Variants in DIP2C observed in about 807,000 individuals in gnomAD.
DIP2C encodes DIP2 acetate--CoA ligase C (putative).
In DIP2C, 33 loss-of-function variants were observed where a neutral mutation model predicts 192.4. The ratio of observed to expected loss-of-function variants is 0.17; its 90% confidence interval spans 0.13 to 0.23. DIP2C has a LOEUF of 0.23. DIP2C is among the 10% of genes least tolerant of loss of function. The pLI, the probability that DIP2C is intolerant of heterozygous loss-of-function variation, is 1.00. For synonymous variants in DIP2C, 979 were observed against 864.1 expected (o/e 1.13, Z -2.33); for missense variants, 1,537 against 2,110.1 (o/e 0.73, Z 5.32).
Position 614,585 on chromosome 10 carries a change from C to G in DIP2C, c.85+74909G>C, listed in dbSNP as rs2298101. Among the ~76,000 whole-genome samples, 31 of 152,360 alleles carry G rather than the reference C, an allele frequency of 2.0e-4. 1 individual carries two copies. In the East Asian group the frequency reaches 5.6e-3, roughly 28 times the overall value. Reference sequence around the variant, plus strand: ...CCTGCTGAACTGGAAACGTCCCAATCTGCTCGGCCGACACAAAGACAACAG... The same window carrying G: ...CCTGCTGAACTGGAAACGTCCCAATGTGCTCGGCCGACACAAAGACAACAG... On this transcript the variant is annotated intron_variant, in intron 1 of 36. Coordinates refer to ENST00000280886, the MANE Select transcript of DIP2C (RefSeq NM_014974.3).
intron 1 of DIP2C, among the ~76,000 whole-genome samples, chr10:571,885 A>C (rs1160899207): frequency 1.3e-5 from 2 of 152,232 alleles, no homozygotes; most frequent in Non-Finnish European, 2.9e-5. Context: ...CCGTGCTCAT[A>C]ATGTAAGCAG....
At chr10:417,691 CG>C (rs1299594709) in intron 6 of DIP2C, among the ~76,000 whole-genome samples, 1 of 29,456 alleles carries the variant, frequency 3.4e-5, no homozygotes, top group African/African-American at 9.8e-5. Context: ...CCTCCCTGTC[CG>C]CCTGTGCCTG....
chr10:299,135 A>C (rs1217866018), intron 32 of DIP2C, among the ~76,000 whole-genome samples: 1 of 152,206 alleles, frequency 6.6e-6, no homozygotes, highest in Non-Finnish European at 1.5e-5. Flanking sequence ...TGCCCACCCC[A>C]TCTTACACAA....
chr10:640,358 C>T (rs1588656234), intron 1 of DIP2C, among the ~76,000 whole-genome samples: 2 of 152,228 alleles, frequency 1.3e-5, no homozygotes, highest in African/African-American at 4.8e-5. Flanking sequence ...AGGAAATCAC[C>T]GCAGCCTTAC....
At chr10:367,283 G>A (rs1012509686) in intron 18 of DIP2C, among the ~76,000 whole-genome samples, 26 of 152,142 alleles carry the variant, frequency 1.7e-4, no homozygotes, top group South Asian at 2.1e-4. Context: ...CGGGCGCAGT[G>A]GCGGGCGCCT....
intron 3 of DIP2C, among the ~76,000 whole-genome samples, chr10:459,835 T>A (rs1969617312): frequency 6.8e-6 from 1 of 147,600 alleles, no homozygotes. Flanking sequence ...AACTGCGTGC[T>A]GCACGTAGGC....
chr10:457,426 CCCTAA>C (rs1969391869), intron 3 of DIP2C, among the ~76,000 whole-genome samples: 1 of 152,216 alleles, frequency 6.6e-6, no homozygotes, highest in African/African-American at 2.4e-5. Flanking sequence ...TACAACAGCC[CCCTAA>C]CCTGTTTCTG....
At chr10:540,137 C>A (rs1298771700) in intron 1 of DIP2C, among the ~76,000 whole-genome samples, 1 of 152,230 alleles carries the variant, frequency 6.6e-6, no homozygotes, top group Non-Finnish European at 1.5e-5. Context: ...AGCATATTTC[C>A]TATTTATGAG....
intron 2 of DIP2C, among the ~76,000 whole-genome samples, chr10:477,773 AAAG>A (rs534584956): frequency 2.4e-3 from 338 of 142,166 alleles, no homozygotes; most frequent in African/African-American, 5.8e-3. Context: ...AGAAAAAGGA[AAAG>A]AAGGAGAGAG....
intron 32 of DIP2C, among the ~76,000 whole-genome samples, chr10:288,993 C>T (rs1418929211): frequency 6.6e-6 from 1 of 152,230 alleles, no homozygotes. Flanking sequence ...CGCAGCAGGC[C>T]ACAACCAGAG....
chr10:564,337 C>CACCCT (rs1426166556), intron 1 of DIP2C, among the ~76,000 whole-genome samples: 1 of 152,112 alleles, frequency 6.6e-6, no homozygotes, highest in Non-Finnish European at 1.5e-5. Context: ...AACCACAGAT[C>CACCCT]ACCCTCCCCA....
At chr10:319,468 GT>G (rs1956914038) in intron 31 of DIP2C, among the ~76,000 whole-genome samples, 1 of 152,116 alleles carries the variant, frequency 6.6e-6, no homozygotes, top group Non-Finnish European at 1.5e-5. Context: ...AAGACCTCAT[GT>G]TTTTCTTCCC....
chr10:510,665 A>C (rs1327205670), intron 1 of DIP2C, among the ~76,000 whole-genome samples: 1 of 152,246 alleles, frequency 6.6e-6, no homozygotes, highest in Non-Finnish European at 1.5e-5. Context: ...GCACAGACGG[A>C]AATCTAGAAG....
rs942403328 is a variant in DIP2C, at chr10:651,425, T to A, written c.85+38069A>T. The A allele has an allele frequency of 1.4e-6, 1 of 692,962 alleles. No individual in the cohort carries two copies. The highest frequency in any genetic ancestry group is 1.8e-5 in the African/African-American group (1 of 57,054). 42.9% of individuals were successfully genotyped at this position (692,962 alleles called of 1,614,324 possible). ...CCAAACTCGTGACTGAATGAACAAG[T>A]ATGTTAAGTCGTTAAGTAAAAATAG... On this transcript the variant is annotated intron_variant, in intron 1 of 36. Transcript: ENST00000280886. The surrounding 1 kb of genome is among the most constrained non-coding windows in gnomAD (Gnocchi z 4.1).
intron 1 of DIP2C, among the ~76,000 whole-genome samples, chr10:557,205 G>A (rs1030360078): frequency 1.3e-5 from 2 of 152,314 alleles, no homozygotes; most frequent in African/African-American, 2.4e-5. Context: ...GGACCGGTGT[G>A]GAGGACCAGG....
chr10:513,956 AAC>A (rs1846188922), intron 1 of DIP2C, among the ~76,000 whole-genome samples: 1 of 152,232 alleles, frequency 6.6e-6, no homozygotes, highest in Non-Finnish European at 1.5e-5. Flanking sequence ...AAGCAGAAAA[AAC>A]AGTGCTGAAA....
At chr10:543,982 G>A (rs774342999) in intron 1 of DIP2C, among the ~76,000 whole-genome samples, 83 of 152,196 alleles carry the variant, frequency 5.5e-4, no homozygotes, top group African/African-American at 1.7e-3. Flanking sequence ...CACTCTGGAC[G>A]CCTGTCGTGA....
At chr10:378,868 T>C (rs780350047) in intron 17 of DIP2C, among the ~76,000 whole-genome samples, 2 of 150,562 alleles carry the variant, frequency 1.3e-5, no homozygotes, top group Non-Finnish European at 3.0e-5. Flanking sequence ...TGAACAGACA[T>C]GCCTAGACAC....
At chr10:653,735 T>C (rs1256784976) in intron 1 of DIP2C, among the ~76,000 whole-genome samples, 1 of 152,236 alleles carries the variant, frequency 6.6e-6, no homozygotes, top group African/African-American at 2.4e-5. Flanking sequence ...GGCCCACCAA[T>C]TGTGCTGTGG....
Sources: gnomAD v4.1 joint callset for allele counts (sites outside exome capture counted in the v4.1 genomes callset) on GRCh38, gnomAD v4.1.1 for gene constraint, Gnocchi (gnomAD v3.1) non-coding constraint, MANE v1.5 for transcripts, NCBI Gene and HGNC (gene_info 2026-07-23, HGNC 2026-07-21) for gene names.